The following IPP variants were observed in gnomAD, a reference collection of about 807,000 sequenced individuals.
IPP encodes intracisternal A particle-promoted polypeptide.
Under a neutral mutation model 64.1 loss-of-function variants are expected in IPP, and 41 were observed. That is an observed-to-expected ratio of 0.64 (90% CI 0.50 to 0.83). IPP has a LOEUF of 0.83. IPP is among the 40% of genes least tolerant of loss of function. The probability of loss-of-function intolerance (pLI) is 0.00; values close to 1 mark genes in which losing one functional copy is unlikely to be tolerated. For missense variants in IPP, 649 were observed against 703.0 expected, an observed-to-expected ratio of 0.92 and a Z score of 0.87; for synonymous variants, 214 against 235.2, an observed-to-expected ratio of 0.91 and a Z score of 0.83.
At chr1:45,732,960 C>T (rs1645930680) in intron 3 of IPP, among the ~76,000 whole-genome samples, 1 of 151,794 alleles carries the variant, frequency 6.6e-6, no homozygotes, top group African/African-American at 2.4e-5. Flanking sequence ...CCACCGTGCC[C>T]GGCCTTGAAA....
downstream of IPP, chr1:45,694,620 G>T: frequency 1.5e-6 from 1 of 664,938 alleles, no homozygotes; most frequent in Non-Finnish European, 2.7e-6. Flanking sequence ...TGAGCTAAAA[G>T]GATCTATGGC....
intron 6 of IPP, among the ~76,000 whole-genome samples, chr1:45,717,221 GA>G (rs56338317): frequency 0.11 from 10,085 of 95,298 alleles, 1,250 homozygotes; most frequent in African/African-American, 0.37. Context: ...GCTCTTTTGA[GA>G]AAAAAAAAAA....
chr1:45,739,492 C>G (rs1004271508), intron 3 of IPP, among the ~76,000 whole-genome samples: 2 of 136,766 alleles, frequency 1.5e-5, no homozygotes, highest in African/African-American at 5.6e-5. Context: ...TGTGCTAAAG[C>G]GATCTGCCTG....
At chr1:45,727,839 T>C in intron 4 of IPP, 41 bp from the exon 5 acceptor site, 1 of 1,409,962 alleles carries the variant, frequency 7.1e-7, no homozygotes, top group Non-Finnish European at 9.6e-7. Context: ...AATCTACTGT[T>C]CTACATCTAA....
At chr1:45,711,290 A>C (rs1569965716) in intron 8 of IPP, among the ~76,000 whole-genome samples, 3 of 151,952 alleles carry the variant, frequency 2.0e-5, no homozygotes, top group African/African-American at 7.3e-5. Context: ...GTAGTGAGCC[A>C]AGATCACGCC....
chr1:45,736,306 T>C (rs571348153), intron 3 of IPP, among the ~76,000 whole-genome samples: 20 of 152,184 alleles, frequency 1.3e-4, no homozygotes, highest in Admixed American at 1.2e-3. Flanking sequence ...ATAATAAGCA[T>C]ATTCCATTTA....
intron 3 of IPP, among the ~76,000 whole-genome samples, chr1:45,733,831 CA>C (rs891726713): frequency 5.9e-4 from 69 of 116,874 alleles, no homozygotes; most frequent in Admixed American, 3.4e-3. Flanking sequence ...GACTCCGTCT[CA>C]AAAAAAAAAA....
intron 8 of IPP, among the ~76,000 whole-genome samples, chr1:45,712,633 A>T (rs1046993097): frequency 1.3e-5 from 2 of 151,624 alleles, no homozygotes; most frequent in Non-Finnish European, 2.9e-5. Context: ...CGAGGCAGGA[A>T]GATCACGAGG....
At chr1:45,702,877 T>C (rs1335797885) in intron 8 of IPP, among the ~76,000 whole-genome samples, 3 of 152,102 alleles carry the variant, frequency 2.0e-5, no homozygotes, top group Non-Finnish European at 4.4e-5. Context: ...TAAACTCAAA[T>C]AGGATCATGG....
At chr1:45,747,103 C>T (rs1412718709) in intron 1 of IPP, among the ~76,000 whole-genome samples, 1 of 151,740 alleles carries the variant, frequency 6.6e-6, no homozygotes, top group Non-Finnish European at 1.5e-5. Context: ...TTAGTGCGCG[C>T]ATGCGCGCGC....
intron 5 of IPP, among the ~76,000 whole-genome samples, chr1:45,726,516 T>C (rs979118390): frequency 6.6e-6 from 1 of 152,116 alleles, no homozygotes; most frequent in African/African-American, 2.4e-5. Context: ...TGCATGCCTA[T>C]AGTCCCAGTT....
intron 2 of IPP, among the ~76,000 whole-genome samples, chr1:45,745,402 T>A (rs947911229): frequency 6.6e-6 from 1 of 152,162 alleles, no homozygotes; most frequent in Non-Finnish European, 1.5e-5. Flanking sequence ...TTTATTTATA[T>A]CCTGATTTTT....
In IPP at chr1:45,731,510, G is replaced by A. The variant is rs546366340; in HGVS notation, c.725-1741C>T. Among the ~76,000 whole-genome samples the A allele has an allele frequency of 2.6e-5, 4 of 152,292 alleles. No individual in the cohort carries two copies. The East Asian group carries it at 5.8e-4, about 22-fold the overall frequency. On this transcript the variant is annotated intron_variant, in intron 3 of 8. Coordinates refer to ENST00000396478, the MANE Select transcript of IPP (RefSeq NM_005897.3). The stretch of plus-strand genomic sequence containing the variant: ...CAAATTTTAGACTAGAGAAAACAAA[G>A]TAGTTGTACTAGGTAGAAAGAGTGC...
rs781762051 is a variant in IPP at position 45,727,583 on chromosome 1, A to C, written c.1048+48T>G. 4 of 1,232,242 alleles carry C rather than the reference A, an allele frequency of 3.2e-6. No homozygotes were observed. In the Admixed American group the frequency reaches 8.4e-5, roughly 26 times the overall value. 76.3% of individuals were successfully genotyped at this position (1,232,242 alleles called of 1,614,324 possible). ...CATATAAATCATAAAGCATATTAGA[A>C]TATAGCCAACAAGACTAATTAAGAA... On this transcript the variant is annotated intron_variant, in intron 5 of 8. Transcript: ENST00000396478.
At chr1:45,722,609 T>TTAATAACAA (rs1645748945) in intron 5 of IPP, among the ~76,000 whole-genome samples, 1 of 151,664 alleles carries the variant, frequency 6.6e-6, no homozygotes, top group African/African-American at 2.4e-5. Flanking sequence ...AAAGAAAAAG[T>TTAATAACAA]TAATAACAAT....
At chr1:45,698,584 T>C (rs189814674), downstream of IPP, 165 of 614,130 alleles carry the variant, frequency 2.7e-4, no homozygotes, top group African/African-American at 3.0e-3. Context: ...CTTTGCAGTA[T>C]GCTCTTACTT....
At chr1:45,729,411 A>T (rs1645875934) in intron 4 of IPP, among the ~76,000 whole-genome samples, 1 of 152,232 alleles carries the variant, frequency 6.6e-6, no homozygotes, top group Non-Finnish European at 1.5e-5. Context: ...AACAGATATC[A>T]AATGAATAGC....
chr1:45,734,041 G>A (rs1434666340), intron 3 of IPP, among the ~76,000 whole-genome samples: 1 of 151,826 alleles, frequency 6.6e-6, no homozygotes, highest in African/African-American at 2.4e-5. Context: ...AGCTGGTAGA[G>A]AACATCAAAT....
chr1:45,744,584 C>A (rs996370063), intron 2 of IPP, among the ~76,000 whole-genome samples: 4 of 152,006 alleles, frequency 2.6e-5, no homozygotes, highest in African/African-American at 9.7e-5. Context: ...CTCACGCCTG[C>A]AATCCCAGTA....
Sources: allele counts gnomAD v4.1 joint callset (sites outside exome capture counted in the v4.1 genomes callset), GRCh38; gene constraint gnomAD v4.1.1; transcripts MANE v1.5; gene names NCBI Gene and HGNC (gene_info 2026-07-23, HGNC 2026-07-21).